Variants in DNM2 observed in about 807,000 individuals in gnomAD.
DNM2 encodes dynamin-2.
DNM2 carries 15 observed loss-of-function variants against 99.0 expected under a neutral mutation model. The ratio of observed to expected loss-of-function variants is 0.15; its 90% CI spans 0.10 to 0.23. The LOEUF (loss-of-function observed/expected upper bound fraction) is 0.23, where lower values mean the gene tolerates loss of function less well. DNM2 is among the 10% of genes least tolerant of loss of function. DNM2 has a pLI of 1.00. For missense variants in DNM2, 742 were observed against 1,189.4 expected (o/e 0.62, Z 5.53); for synonymous variants, 525 against 481.2 (o/e 1.09, Z -1.19).
intron 7 of DNM2, among the ~76,000 whole-genome samples, 172 bp from the exon 8 acceptor site, chr19:10,793,548 C>T (rs998679525): frequency 3.9e-5 from 6 of 152,206 alleles, no homozygotes; most frequent in Admixed American, 3.3e-4. Flanking sequence ...TCGTAGCCAG[C>T]ATTTGCCATT....
At chr19:10,786,448 TGTG>T (rs2071561589) in intron 6 of DNM2, 113 bp from the exon 7 acceptor site, 1 of 1,479,992 alleles carries the variant, frequency 6.8e-7, no homozygotes, top group Non-Finnish European at 9.3e-7. Context: ...GGCTGTGTGG[TGTG>T]GTGGCCGCAT....
intron 5 of DNM2, among the ~76,000 whole-genome samples, chr19:10,782,339 A>ATTTT (rs1363043574): frequency 4.3e-5 from 1 of 23,046 alleles, no homozygotes; most frequent in Non-Finnish European, 1.1e-4. Flanking sequence ...TGGCCTTGAG[A>ATTTT]TTTTTTTTCT....
intron 1 of DNM2, among the ~76,000 whole-genome samples, chr19:10,740,641 T>A (rs745826905): frequency 1.3e-5 from 2 of 152,226 alleles, no homozygotes; most frequent in African/African-American, 2.4e-5. Flanking sequence ...CTCTTAAAAG[T>A]GTGGGGATTA....
chr19:10,722,017 A>G (rs947538323), intron 1 of DNM2, among the ~76,000 whole-genome samples: 1 of 152,136 alleles, frequency 6.6e-6, no homozygotes, highest in African/African-American at 2.4e-5. Context: ...TCTGGGCCTC[A>G]GATTCCTTTT....
rs2146112634 is a variant in DNM2 at position 10,812,424 on chromosome 19, A to G, written c.1671+47A>G. On this transcript the variant is annotated intron_variant, in intron 15 of 20. Transcript: ENST00000389253. This position sits in a 1 kb window ranked among gnomAD's most constrained non-coding sequence, Gnocchi z 4.0. ...GGCTGCTGGGGTAGGTGGGGCAGCC[A>G]GGGAAGAGCGGGTGGGCGCTCCCTC... 1.3e-6 allele frequency: 2 copies of G among 1,509,576 alleles called. No homozygotes were observed. Among genetic ancestry groups the G allele is most frequent in the Non-Finnish European group, 1.8e-6 (2 of 1,106,682 alleles). 93.5% of individuals were successfully genotyped at this position (1,509,576 alleles called of 1,614,324 possible).
At chr19:10,771,556 G>T (rs2070980543) in intron 2 of DNM2, among the ~76,000 whole-genome samples, 1 of 152,118 alleles carries the variant, frequency 6.6e-6, no homozygotes, top group Non-Finnish European at 1.5e-5. Flanking sequence ...GCTCCTTGGG[G>T]AAGAAGGACA....
At position 10,817,871 on chromosome 19, in the gene DNM2, C is replaced by G. The variant is rs1319467244; in HGVS notation, c.1672-2109C>G. Among the ~76,000 whole-genome samples, 2 of 151,880 alleles carry G rather than the reference C, an allele frequency of 1.3e-5. No homozygotes were observed. Among genetic ancestry groups the G allele is most frequent in the East Asian group, 3.9e-4 (2 of 5,154 alleles). ...GCACCAGGAAGGCGGCCACTGATTT[C>G]TCGGCGGAATCGCACTGTAAACAGT... On this transcript the variant is annotated intron_variant, in intron 15 of 20. Transcript: ENST00000389253. The surrounding 1 kb of genome is among the most constrained non-coding windows in gnomAD (Gnocchi z 4.6).
intron 18 of DNM2, among the ~76,000 whole-genome samples, chr19:10,828,593 A>C (rs2073228599): frequency 6.6e-6 from 1 of 150,860 alleles, no homozygotes; most frequent in Non-Finnish European, 1.5e-5. Flanking sequence ...AAAAAAAAAA[A>C]AGCAAAAACA....
chr19:10,771,180 C>T lies in DNM2; in HGVS notation c.236-1299C>T, dbSNP rs539423524. ...TCCCCAACATTTTACTCTGAAAATTCGAACATCTGGAAACGTCAAGGCTTT... is the reference window on the plus strand; with the variant it reads ...TCCCCAACATTTTACTCTGAAAATTTGAACATCTGGAAACGTCAAGGCTTT... On this transcript the variant is annotated intron_variant, in intron 2 of 20. Transcript: ENST00000389253. Among the ~76,000 whole-genome samples the T allele has an allele frequency of 5.9e-5, 9 of 152,288 alleles. No homozygotes were observed. In the South Asian group the frequency reaches 1.9e-3, roughly 32 times the overall value.
chr19:10,789,916 C>G (rs1346555340), intron 7 of DNM2, among the ~76,000 whole-genome samples: 1 of 152,192 alleles, frequency 6.6e-6, no homozygotes, highest in Admixed American at 6.5e-5. Context: ...CAGGGGATGC[C>G]CATCACAAAC....
intron 1 of DNM2, among the ~76,000 whole-genome samples, chr19:10,743,197 C>T (rs549494671): frequency 1.8e-4 from 27 of 152,066 alleles, no homozygotes; most frequent in African/African-American, 6.3e-4. Context: ...TGAGCCACCA[C>T]GCCCGGCCGT....
intron 1 of DNM2, among the ~76,000 whole-genome samples, chr19:10,748,510 G>A (rs1199442579): frequency 6.6e-6 from 1 of 152,198 alleles, no homozygotes; most frequent in East Asian, 1.9e-4. Flanking sequence ...GGGCGTCCTT[G>A]CTGGGTGACC....
chr19:10,757,958 A>AG (rs896679618), intron 1 of DNM2, among the ~76,000 whole-genome samples: 6 of 151,698 alleles, frequency 4.0e-5, no homozygotes, highest in African/African-American at 1.2e-4. Context: ...AAAAAAAAAA[A>AG]AAAAAAAGAA....
At chr19:10,769,068 C>T (rs993941021) in intron 2 of DNM2, among the ~76,000 whole-genome samples, 2 of 152,122 alleles carry the variant, frequency 1.3e-5, no homozygotes, top group African/African-American at 4.8e-5. Flanking sequence ...AACGATGGCG[C>T]CCACTGCCCC....
chr19:10,728,597 T>G (rs2069188479), intron 1 of DNM2, among the ~76,000 whole-genome samples: 3 of 152,128 alleles, frequency 2.0e-5, no homozygotes. Context: ...TCTACACCAG[T>G]TGCTGGGCAC....
intron 7 of DNM2, among the ~76,000 whole-genome samples, chr19:10,793,229 C>T (rs1015859775): frequency 6.6e-6 from 1 of 152,174 alleles, no homozygotes; most frequent in African/African-American, 2.4e-5. Flanking sequence ...TACCCTCAAC[C>T]CATTTTGTAG....
chr19:10,831,135 C>A lies in DNM2; in HGVS notation c.*88C>A. The stretch of plus-strand genomic sequence containing the variant: ...TCTGGGGCCCTCCGCCGCCCCTATG[C>A]TGGGACCAGGCTCCCAGTGGGCAGC... On this transcript the variant is annotated 3_prime_UTR_variant, in exon 21 of 21. Coordinates refer to ENST00000389253, the MANE Select transcript of DNM2 (RefSeq NM_001005361.3). The surrounding 1 kb of genome is among the most constrained non-coding windows in gnomAD (Gnocchi z 4.3). 1 of 1,484,146 alleles carries A rather than the reference C, an allele frequency of 6.7e-7. No individual in the cohort carries two copies. The allele number at this position is 1,484,146 out of a possible 1,614,324, so 91.9% of individuals were successfully genotyped here. A position where few individuals can be genotyped will look rare whatever the true frequency, so the allele number is the denominator to read the frequency against.
Position 10,798,497 on chromosome 19 carries a change from C to T in DNM2, c.1347C>T (p.Tyr449=). 2.5e-6 allele frequency: 4 copies of T among 1,614,150 alleles called. No individual in the cohort carries two copies. The highest frequency in any genetic ancestry group is 3.4e-6 in the Non-Finnish European group (4 of 1,180,018). ...IKKCAEKLSS[Y]PRLREETERI... ...GCTTGTTCCCCCAGCTCAGTTCCTA[C>T]CCCCGGTTGCGAGAGGAGACAGAGC... is the stretch of plus-strand genomic sequence containing the variant. The change falls in exon 11 of 21, where the codon TAC becomes TAT. Residue 449 remains tyrosine (Y), a synonymous_variant. Coordinates refer to ENST00000389253, the MANE Select transcript of DNM2 (RefSeq NM_001005361.3).
Position 10,772,140 on chromosome 19 carries a change from C to T in DNM2, c.236-339C>T, listed in dbSNP as rs979193878. Among the ~76,000 whole-genome samples, 5 of 151,386 alleles carry T rather than the reference C, an allele frequency of 3.3e-5. No individual in the cohort carries two copies. Among genetic ancestry groups the T allele is most frequent in the African/African-American group, 4.9e-5 (2 of 41,150 alleles). ...TGTCTCCCAGGCTAGAGTGCAGTGG[C>T]GCAATCTCGGCTCACTACAACCTCC... On this transcript the variant is annotated intron_variant, in intron 2 of 20. Coordinates refer to ENST00000389253, the MANE Select transcript of DNM2 (RefSeq NM_001005361.3). This position sits in a 1 kb window ranked among gnomAD's most constrained non-coding sequence, Gnocchi z 4.9.
Sources: gnomAD v4.1 joint callset for allele counts (sites outside exome capture counted in the v4.1 genomes callset) on GRCh38, gnomAD v4.1.1 for gene constraint, Gnocchi (gnomAD v3.1) non-coding constraint, MANE v1.5 for transcripts, NCBI Gene and HGNC (gene_info 2026-07-23, HGNC 2026-07-21) for gene names.